Variants in PLA2G15 observed in about 807,000 individuals in gnomAD.
The protein encoded by PLA2G15 is lysosomal phospholipase A and acyltransferase.
A neutral mutation model predicts 40.9 loss-of-function variants in PLA2G15; 20 were observed. The ratio of observed to expected loss-of-function variants is 0.49; its 90% confidence interval spans 0.34 to 0.71. The LOEUF is 0.71. Among genes scored for constraint, PLA2G15 ranks in the 30% least tolerant of loss-of-function variants. The pLI, the probability that PLA2G15 is intolerant of heterozygous loss-of-function variation, is 0.01. For missense variants in PLA2G15, 471 were observed against 541.9 expected (o/e 0.87, Z 1.30); for synonymous variants, 223 against 228.2 (o/e 0.98, Z 0.21).
intron 2 of PLA2G15, among the ~76,000 whole-genome samples, chr16:68,250,931 C>T (rs1170796875): frequency 1.3e-5 from 2 of 152,126 alleles, no homozygotes; most frequent in South Asian, 2.1e-4. Context: ...CTCCCCAGAG[C>T]GGTTTGCCTC....
intron 5 of PLA2G15, 183 bp downstream of exon 5, chr16:68,256,173 A>C (rs1439331652): frequency 1.1e-5 from 6 of 567,824 alleles, no homozygotes; most frequent in Non-Finnish European, 1.9e-5. Flanking sequence ...TCTCAGAGAA[A>C]AGCATTTAAT....
At chr16:68,253,856 A>AT (rs1159695870) in intron 2 of PLA2G15, among the ~76,000 whole-genome samples, 1 of 151,562 alleles carries the variant, frequency 6.6e-6, no homozygotes, top group Non-Finnish European at 1.5e-5. Flanking sequence ...TGCCTGGCTA[A>AT]TTTTTTATTT....
rs148909068 is a variant in PLA2G15, at chr16:68,260,395, A to T, written c.*738A>T. On this transcript the variant is annotated 3_prime_UTR_variant, in exon 6 of 6. Transcript: ENST00000219345. Reference sequence around the variant, plus strand: ...GTTCCAGGGGCCCTGATTTCCTCGGATGTGCTATTGGCCCCAGGACTGAAG... The same window carrying T: ...GTTCCAGGGGCCCTGATTTCCTCGGTTGTGCTATTGGCCCCAGGACTGAAG... 9.7e-4 allele frequency: 148 copies of T among 152,826 alleles called. 2 individuals are homozygous for T. Among genetic ancestry groups the T allele is most frequent in the African/African-American group, 8.9e-4 (37 of 41,534 alleles). 9.5% of individuals were successfully genotyped at this position (152,826 alleles called of 1,614,324 possible).
intron 2 of PLA2G15, chr16:68,254,470 A>T (rs2042384717): frequency 6.4e-6 from 1 of 156,286 alleles, no homozygotes. Flanking sequence ...CCTCCTGAGT[A>T]GCTGGGATTA....
rs774341776 is a variant in PLA2G15 at position 68,255,237 on chromosome 16, G to A, written c.404-45G>A. ...CATGCTGGGCATAGTGTAGGTGGCC[G>A]GCACTAGCTGTATCTTTTCTTATCC... On this transcript the variant is annotated intron_variant, in intron 3 of 5. Coordinates refer to ENST00000219345, the MANE Select transcript of PLA2G15 (RefSeq NM_012320.4). This position sits in a 1 kb window ranked among gnomAD's most constrained non-coding sequence, Gnocchi z 5.9. 4.2e-6 allele frequency: 6 copies of A among 1,412,154 alleles called. No individual in the cohort carries two copies. Among genetic ancestry groups the A allele is most frequent in the African/African-American group, 1.4e-5 (1 of 71,156 alleles). 87.5% of individuals were successfully genotyped at this position (1,412,154 alleles called of 1,614,324 possible).
At position 68,259,627 on chromosome 16, in the gene PLA2G15, C is replaced by T. The variant is rs201908863; in HGVS notation, c.1209C>T (p.Ala403=). The T allele has an allele frequency of 6.2e-7, 1 of 1,613,014 alleles. No homozygotes were observed. Among genetic ancestry groups the T allele is most frequent in the Admixed American group, 1.7e-5 (1 of 60,018 alleles). ...IEMLANATTL[A]YLKRVLLGP is the part of the protein sequence containing the mutation. ...TGCTGGCCAACGCCACCACCCTGGC[C>T]TATCTGAAACGTGTGCTCCTTGGGC... The change falls in exon 6 of 6, where the codon GCC becomes GCT. Residue 403 remains alanine, a synonymous_variant. Coordinates refer to ENST00000219345, the MANE Select transcript of PLA2G15 (RefSeq NM_012320.4). The surrounding 1 kb of genome is among the most constrained non-coding windows in gnomAD (Gnocchi z 6.5).
intron 1 of PLA2G15, among the ~76,000 whole-genome samples, chr16:68,247,144 C>T (rs1260923704): frequency 1.3e-5 from 2 of 152,096 alleles, no homozygotes; most frequent in African/African-American, 2.4e-5. Context: ...GGCTGCTGGC[C>T]TTAGCCCTGG....
chr16:68,254,853 C>T, intron 2 of PLA2G15, 66 bp from the exon 3 acceptor site: 1 of 948,268 alleles, frequency 1.1e-6, no homozygotes, highest in South Asian at 1.4e-5. Flanking sequence ...GGACATGATG[C>T]ACTGTTGGGA....
intron 5 of PLA2G15, among the ~76,000 whole-genome samples, chr16:68,256,878 ATTTT>A (rs759192096): frequency 3.7e-5 from 5 of 133,490 alleles, no homozygotes; most frequent in African/African-American, 2.8e-5. Flanking sequence ...AGGCTAGAGC[ATTTT>A]TTTTTTTTTT....
rs559642035 is a variant in PLA2G15 at position 68,257,090 on chromosome 16, G to T, written c.727+1100G>T. On this transcript the variant is annotated intron_variant, in intron 5 of 5. Transcript: ENST00000219345. ...GAGACTGGGTTTCACTATGTTGGCC[G>T]GGCTAGTCTCTAACTCCTGACCTCA... Among the ~76,000 whole-genome samples, 18 of 150,994 alleles carry T rather than the reference G, an allele frequency of 1.2e-4. No individual in the cohort carries two copies. In the East Asian group the frequency reaches 3.4e-3, roughly 28 times the overall value.
intron 1 of PLA2G15, among the ~76,000 whole-genome samples, chr16:68,248,046 G>C (rs1297869119): frequency 1.3e-5 from 2 of 152,198 alleles, no homozygotes; most frequent in Non-Finnish European, 2.9e-5. Context: ...TGGTGATAAT[G>C]GTGCTGGTTC....
At position 68,256,118 on chromosome 16, in the gene PLA2G15, C is replaced by A. The variant is rs1325980249; in HGVS notation, c.727+128C>A. The A allele has an allele frequency of 9.8e-6, 6 of 613,770 alleles. No homozygotes were observed. The East Asian group carries it at 1.4e-4, about 15-fold the overall frequency. The allele number at this position is 613,770 out of a possible 1,614,324, so 38.0% of individuals were successfully genotyped here. On this transcript the variant is annotated intron_variant, in intron 5 of 5. Transcript: ENST00000219345. ...CACGGTGTGTGGGGTCTATGCAAAT[C>A]TACCCCTAAAAGTCCAAAGAAGAAA...
chr16:68,259,636 A>G lies in PLA2G15; in HGVS notation c.1218A>G (p.Lys406=). 4.3e-6 allele frequency: 7 copies of G among 1,612,182 alleles called. No homozygotes were observed. The highest frequency in any genetic ancestry group is 5.9e-6 in the Non-Finnish European group (7 of 1,179,294). The stretch of plus-strand genomic sequence containing the variant: ...ACGCCACCACCCTGGCCTATCTGAA[A>G]CGTGTGCTCCTTGGGCCCTGACTCC... ...LANATTLAYL[K]RVLLGP Residue 406 remains lysine (K), a synonymous_variant, in exon 6 of 6, where the codon AAA becomes AAG. Transcript: ENST00000219345. The surrounding 1 kb of genome is among the most constrained non-coding windows in gnomAD (Gnocchi z 6.5).
At chr16:68,246,280 C>T (rs112431842) in intron 1 of PLA2G15, among the ~76,000 whole-genome samples, 1 of 152,202 alleles carries the variant, frequency 6.6e-6, no homozygotes, top group Non-Finnish European at 1.5e-5. Context: ...AACTCTACAA[C>T]GGCCACTGTA....
At chr16:68,249,258 G>C (rs2042334280) in intron 1 of PLA2G15, 32 bp from the exon 2 acceptor site, 15 of 1,607,396 alleles carry the variant, frequency 9.3e-6, no homozygotes, top group Non-Finnish European at 1.2e-5. Flanking sequence ...CTGCCGGGCT[G>C]AGGGCTCACA....
chr16:68,255,259 A>T lies in PLA2G15; in HGVS notation c.404-23A>T. Reference sequence around the variant, plus strand: ...GCCGGCACTAGCTGTATCTTTTCTTATCCTCTGTATTTCTGTCTACAGGTT... The same window carrying T: ...GCCGGCACTAGCTGTATCTTTTCTTTTCCTCTGTATTTCTGTCTACAGGTT... On this transcript the variant is annotated intron_variant, in intron 3 of 5. Transcript: ENST00000219345. This position sits in a 1 kb window ranked among gnomAD's most constrained non-coding sequence, Gnocchi z 5.9. The T allele has an allele frequency of 5.1e-6, 8 of 1,556,066 alleles. No homozygotes were observed. The highest frequency in any genetic ancestry group is 7.1e-6 in the Non-Finnish European group (8 of 1,127,846).
intron 2 of PLA2G15, among the ~76,000 whole-genome samples, chr16:68,251,297 A>C (rs773212348): frequency 3.9e-5 from 6 of 152,106 alleles, no homozygotes; most frequent in Non-Finnish European, 2.9e-5. Context: ...GAAGGGAGGG[A>C]GTGTGTGTCT....
rs750627810 is a variant in PLA2G15 at position 68,255,416 on chromosome 16, G to A, written c.502+36G>A. 16 of 1,430,240 alleles carry A rather than the reference G, an allele frequency of 1.1e-5. No homozygotes were observed. In the Admixed American group the frequency reaches 1.3e-4, roughly 12 times the overall value. 88.6% of individuals were successfully genotyped at this position (1,430,240 alleles called of 1,614,324 possible). A position where few individuals can be genotyped will look rare whatever the true frequency, so the allele number is the denominator to read the frequency against. ...ACTCTCATTCCCTCCCTGACGTCTC[G>A]GGAGGTAGGGGTGAGGTGATCATGG... is the stretch of plus-strand genomic sequence containing the variant. On this transcript the variant is annotated intron_variant, in intron 4 of 5. Coordinates refer to ENST00000219345, the MANE Select transcript of PLA2G15 (RefSeq NM_012320.4). This position sits in a 1 kb window ranked among gnomAD's most constrained non-coding sequence, Gnocchi z 5.9.
rs1043140559 is a variant in PLA2G15 at position 68,255,534 on chromosome 16, G to A, written c.502+154G>A. On this transcript the variant is annotated intron_variant, in intron 4 of 5. Transcript: ENST00000219345. This position sits in a 1 kb window ranked among gnomAD's most constrained non-coding sequence, Gnocchi z 5.9. ...TCTAGTGGTCACAGCCACCACCTTT[G>A]GTCAGTCTTATCCTGTCCTCCATTT... 1.1e-5 allele frequency: 7 copies of A among 649,712 alleles called. No individual in the cohort carries two copies. Among genetic ancestry groups the A allele is most frequent in the Non-Finnish European group, 1.9e-5 (7 of 373,350 alleles). 40.2% of individuals were successfully genotyped at this position (649,712 alleles called of 1,614,324 possible). A position where few individuals can be genotyped will look rare whatever the true frequency, so the allele number is the denominator to read the frequency against.
Sources: gnomAD v4.1 joint callset for allele counts (sites outside exome capture counted in the v4.1 genomes callset) on GRCh38, gnomAD v4.1.1 for gene constraint, Gnocchi (gnomAD v3.1) non-coding constraint, MANE v1.5 for transcripts, NCBI Gene and HGNC (gene_info 2026-07-23, HGNC 2026-07-21) for gene names.